Variants in NRXN3 observed in about 807,000 individuals in gnomAD.
NRXN3 encodes neurexin III.
Under a neutral mutation model 137.6 loss-of-function variants are expected in NRXN3, and 32 were observed. That is an observed-to-expected ratio of 0.23 (90% confidence interval 0.18 to 0.31). The LOEUF is 0.31. NRXN3 is among the 10% of genes least tolerant of loss of function. The pLI, the probability that NRXN3 is intolerant of heterozygous loss-of-function variation, is 1.00. For synonymous variants in NRXN3, 798 were observed against 784.5 expected (o/e 1.02, Z -0.29); for missense variants, 1,574 against 2,062.5 (o/e 0.76, Z 4.59).
chr14:79,059,983 A>G (rs766101486), intron 15 of NRXN3, among the ~76,000 whole-genome samples: 1 of 152,224 alleles, frequency 6.6e-6, no homozygotes, highest in African/African-American at 2.4e-5. Context: ...TTGGGGAAAC[A>G]CAGGAGTCAA....
In NRXN3 at chr14:79,751,280, C is replaced by A. The variant is rs1365056937; in HGVS notation, c.4014+53343C>A. On this transcript the variant is annotated intron_variant, in intron 19 of 20. Transcript: ENST00000335750. ...GGTTTGTAGTTCTCCTTGAAGAGGT[C>A]CTTCACATCCCTTGTAAGTTGGATT... 8.5e-5 allele frequency among the ~76,000 whole-genome samples: 13 copies of A among 152,154 alleles called. No individual in the cohort carries two copies. The East Asian group carries it at 2.5e-3, about 29-fold the overall frequency.
intron 6 of NRXN3, among the ~76,000 whole-genome samples, chr14:78,653,354 T>C (rs1333646098): frequency 2.0e-5 from 3 of 152,154 alleles, no homozygotes; most frequent in Admixed American, 1.3e-4. Context: ...TACATTGGAA[T>C]TGCACTCTCA....
rs371257374 is a variant in NRXN3 at position 78,721,842 on chromosome 14, C to CT, written c.2044+6713dup. 1.1e-3 allele frequency among the ~76,000 whole-genome samples: 164 copies of CT among 147,670 alleles called. 1 individual carries two copies. The highest frequency in any genetic ancestry group is 0.01 in the Middle Eastern group (3 of 290). ...TCATTTACATAAATCAAACTGTCTC[C>CT]TTTTTTTTTTGTTTGTTTTTTTGCT... On this transcript the variant is annotated intron_variant, in intron 8 of 20. Transcript: ENST00000335750.
intron 16 of NRXN3, among the ~76,000 whole-genome samples, chr14:79,495,963 AAAAC>A (rs1467664053): frequency 6.6e-6 from 1 of 151,752 alleles, no homozygotes; most frequent in African/African-American, 2.4e-5. Flanking sequence ...AAAAAAACAA[AAAAC>A]AAAAAAACAA....
chr14:79,655,389 T>C (rs1163570327), intron 16 of NRXN3, among the ~76,000 whole-genome samples: 1 of 152,192 alleles, frequency 6.6e-6, no homozygotes, highest in African/African-American at 2.4e-5. Flanking sequence ...ACATACTTAT[T>C]GCTCTCCTTG....
At chr14:78,708,921 G>T (rs182962827) in intron 6 of NRXN3, among the ~76,000 whole-genome samples, 14 of 152,270 alleles carry the variant, frequency 9.2e-5, no homozygotes, top group African/African-American at 3.4e-4. Flanking sequence ...CATGCAACTC[G>T]ATCTCTCTTG....
chr14:78,626,710 C>T (rs1169239769), intron 4 of NRXN3, among the ~76,000 whole-genome samples: 1 of 152,146 alleles, frequency 6.6e-6, no homozygotes, highest in Non-Finnish European at 1.5e-5. Flanking sequence ...CTTCAGAGGG[C>T]TATCCCTGCC....
chr14:79,362,000 ATT>A (rs1491136404), intron 15 of NRXN3, among the ~76,000 whole-genome samples: 32 of 132,756 alleles, frequency 2.4e-4, no homozygotes, highest in Admixed American at 2.2e-3. Context: ...TTTTATAATT[ATT>A]ATTATTATTA....
intron 1 of NRXN3, among the ~76,000 whole-genome samples, chr14:78,230,600 G>A (rs1424150652): frequency 6.6e-6 from 1 of 152,128 alleles, no homozygotes; most frequent in African/African-American, 2.4e-5. Flanking sequence ...CCAGAGAAGA[G>A]GGAGTCAGCC....
intron 4 of NRXN3, among the ~76,000 whole-genome samples, chr14:78,581,319 G>A (rs2096993121): frequency 6.6e-6 from 1 of 152,182 alleles, no homozygotes; most frequent in Admixed American, 6.5e-5. Context: ...TGGAGTCTGG[G>A]AAGTCCAAGA....
intron 15 of NRXN3, among the ~76,000 whole-genome samples, chr14:79,043,587 T>C (rs2099628447): frequency 6.6e-6 from 1 of 152,170 alleles, no homozygotes; most frequent in African/African-American, 2.4e-5. Flanking sequence ...GTAGACTTCA[T>C]GAAGTTCATC....
At chr14:78,264,861 T>C (rs185929734) in intron 2 of NRXN3, among the ~76,000 whole-genome samples, 44 of 152,334 alleles carry the variant, frequency 2.9e-4, no homozygotes, top group African/African-American at 1.1e-3. Flanking sequence ...CCCTTTCTAA[T>C]TCCTGTTGCG....
At chr14:79,455,022 TATTAAG>T (rs1469571387) in intron 15 of NRXN3, among the ~76,000 whole-genome samples, 10 of 152,236 alleles carry the variant, frequency 6.6e-5, no homozygotes, top group African/African-American at 2.4e-4. Flanking sequence ...TAGGTATTGG[TATTAAG>T]ATTATGTTGG....
At chr14:79,750,296 C>T (rs931395650) in intron 19 of NRXN3, among the ~76,000 whole-genome samples, 1 of 152,044 alleles carries the variant, frequency 6.6e-6, no homozygotes, top group African/African-American at 2.4e-5. Flanking sequence ...ATTTTTTTAT[C>T]CTACACCTGA....
chr14:78,697,132 A>G (rs1194687966), intron 6 of NRXN3, among the ~76,000 whole-genome samples: 1 of 152,076 alleles, frequency 6.6e-6, no homozygotes, highest in Non-Finnish European at 1.5e-5. Flanking sequence ...ATTTAATCTC[A>G]GAATACAAAA....
chr14:78,785,815 T>G (rs1159997866), intron 8 of NRXN3, among the ~76,000 whole-genome samples: 2 of 152,176 alleles, frequency 1.3e-5, no homozygotes, highest in Non-Finnish European at 2.9e-5. Context: ...CCTCCATGTT[T>G]ATGAATAAAT....
intron 15 of NRXN3, among the ~76,000 whole-genome samples, chr14:79,303,695 C>T (rs1460830588): frequency 6.6e-6 from 1 of 152,024 alleles, no homozygotes; most frequent in Non-Finnish European, 1.5e-5. Context: ...AGAAAGATCT[C>T]CATTGCCACT....
chr14:79,722,952 T>G (rs547186797), intron 19 of NRXN3, among the ~76,000 whole-genome samples: 1 of 152,258 alleles, frequency 6.6e-6, no homozygotes, highest in South Asian at 2.1e-4. Context: ...GTTTTGAGAT[T>G]AAGAAATGCA....
intron 4 of NRXN3, among the ~76,000 whole-genome samples, chr14:78,445,173 C>T (rs113922059): frequency 0.011 from 1,603 of 152,066 alleles, 13 homozygotes; most frequent in Middle Eastern, 0.031. Flanking sequence ...GCAAAGGAGA[C>T]AGGAGGGAAG....
Sources: allele counts gnomAD v4.1 joint callset (sites outside exome capture counted in the v4.1 genomes callset), GRCh38; gene constraint gnomAD v4.1.1; transcripts MANE v1.5; gene names NCBI Gene and HGNC (gene_info 2026-07-23, HGNC 2026-07-21).